VPS13B: variants seen among roughly 807,000 people sequenced by gnomAD.
VPS13B encodes the protein vacuolar protein sorting 13 homolog B.
Under a neutral mutation model 426.4 loss-of-function variants are expected in VPS13B, and 285 were observed. The ratio of observed to expected loss-of-function variants is 0.67; its 90% CI spans 0.61 to 0.74. The LOEUF (loss-of-function observed/expected upper bound fraction) is 0.74. VPS13B is among the 30% of genes least tolerant of loss of function. The pLI, the probability that VPS13B is intolerant of heterozygous loss-of-function variation, is 0.00. For missense variants in VPS13B, 4,537 were observed against 4,782.6 expected (o/e 0.95, Z 1.51); for synonymous variants, 1,676 against 1,676.4 (o/e 1.00, Z 0.01).
intron 30 of VPS13B, among the ~76,000 whole-genome samples, chr8:99,541,757 G>A (rs1431724647): frequency 6.6e-6 from 1 of 152,114 alleles, no homozygotes; most frequent in Non-Finnish European, 1.5e-5. Context: ...TATTAAGAAT[G>A]CCCTAATGGT....
At chr8:99,264,152 A>T (rs1156911456) in intron 17 of VPS13B, among the ~76,000 whole-genome samples, 1 of 151,780 alleles carries the variant, frequency 6.6e-6, no homozygotes, top group East Asian at 1.9e-4. Flanking sequence ...TCTGACATAA[A>T]CATATCTTCT....
intron 21 of VPS13B, among the ~76,000 whole-genome samples, chr8:99,406,287 A>G (rs897744342): frequency 1.3e-5 from 2 of 149,414 alleles, no homozygotes; most frequent in Non-Finnish European, 3.0e-5. Flanking sequence ...TGAATTGTTC[A>G]TTTTTGTATT....
At chr8:99,661,559 T>C in intron 35 of VPS13B, 68 bp downstream of exon 35, 2 of 1,561,712 alleles carry the variant, frequency 1.3e-6, no homozygotes, top group Non-Finnish European at 1.7e-6. Flanking sequence ...GTATATAGGA[T>C]CTGTTAGTAA....
intron 23 of VPS13B, among the ~76,000 whole-genome samples, chr8:99,444,760 C>G (rs924223723): frequency 3.9e-5 from 6 of 152,054 alleles, no homozygotes; most frequent in African/African-American, 1.4e-4. Context: ...GCCTTGACCG[C>G]CGGAGCTCAA....
chr8:99,111,044 G>T, intron 5 of VPS13B, 54 bp from the exon 6 acceptor site: 1 of 1,395,434 alleles, frequency 7.2e-7, no homozygotes, highest in Admixed American at 2.0e-5. Context: ...AATAATAGTT[G>T]CCTTTCCCCT....
At chr8:99,501,349 T>G (rs1821223700) in intron 25 of VPS13B, among the ~76,000 whole-genome samples, 1 of 152,128 alleles carries the variant, frequency 6.6e-6, no homozygotes, top group South Asian at 2.1e-4. Flanking sequence ...TAGTAAAAAT[T>G]TATTCCCCAA....
intron 21 of VPS13B, among the ~76,000 whole-genome samples, chr8:99,415,237 G>A (rs914579061): frequency 6.6e-5 from 10 of 151,530 alleles, no homozygotes; most frequent in African/African-American, 2.2e-4. Context: ...AAGTTCTCGT[G>A]CTGTGTTTTT....
At chr8:99,463,045 G>A (rs564196721) in intron 23 of VPS13B, among the ~76,000 whole-genome samples, 6 of 152,182 alleles carry the variant, frequency 3.9e-5, no homozygotes, top group Admixed American at 2.0e-4. Flanking sequence ...TGATGTTACC[G>A]ATAGGATCTT....
intron 56 of VPS13B, among the ~76,000 whole-genome samples, chr8:99,857,543 GAAGA>G (rs1237791091): frequency 1.3e-5 from 2 of 152,206 alleles, no homozygotes; most frequent in East Asian, 1.9e-4. Context: ...TGAGCTCACA[GAAGA>G]AAGAGGTGGG....
intron 35 of VPS13B, among the ~76,000 whole-genome samples, chr8:99,676,154 C>G (rs977606027): frequency 6.6e-6 from 1 of 151,984 alleles, no homozygotes; most frequent in Non-Finnish European, 1.5e-5. Context: ...GGCATTGTCC[C>G]TAAGTCCATG....
chr8:99,833,913 G>C (rs1292171175), intron 52 of VPS13B, among the ~76,000 whole-genome samples: 2 of 152,192 alleles, frequency 1.3e-5, no homozygotes, highest in Non-Finnish European at 2.9e-5. Flanking sequence ...GGCTGGGAAA[G>C]GAACTTTGCT....
chr8:99,103,704 T>C (rs1360231077), intron 5 of VPS13B, among the ~76,000 whole-genome samples: 1 of 152,056 alleles, frequency 6.6e-6, no homozygotes, highest in Non-Finnish European at 1.5e-5. Flanking sequence ...TTTCACCATG[T>C]TAGCCAGGAT....
rs1563489649 is a variant in VPS13B, at chr8:99,818,892, C to G, written c.8621+4C>G. The G allele has an allele frequency of 2.1e-6, 3 of 1,426,308 alleles. No individual in the cohort carries two copies. Among genetic ancestry groups the G allele is most frequent in the East Asian group, 3.5e-5 (1 of 28,834 alleles). 88.4% of individuals were successfully genotyped at this position (1,426,308 alleles called of 1,614,324 possible). A position where few individuals can be genotyped will look rare whatever the true frequency, so the allele number is the denominator to read the frequency against. On this transcript the variant is annotated splice_donor_region_variant and intron_variant, in intron 47 of 61. Transcript: ENST00000357162. ...ATCACCTGACATTCCAAGCAAGGTACTAGAAAAATCCTTCCATACATTTTA... is the reference window on the plus strand; with the variant it reads ...ATCACCTGACATTCCAAGCAAGGTAGTAGAAAAATCCTTCCATACATTTTA...
intron 22 of VPS13B, among the ~76,000 whole-genome samples, chr8:99,432,674 T>C (rs1321152306): frequency 1.3e-5 from 2 of 152,204 alleles, no homozygotes; most frequent in South Asian, 2.1e-4. Context: ...TCAATATTCT[T>C]GTTTACCTGA....
rs373503203 is a variant in VPS13B at position 99,829,951 on chromosome 8, GC to G, written c.9331-2416del. Among the ~76,000 whole-genome samples, 655 of 152,326 alleles carry G rather than the reference GC, an allele frequency of 4.3e-3. 7 individuals are homozygous for G. Among genetic ancestry groups the G allele is most frequent in the African/African-American group, 0.015 (631 of 41,570 alleles). ...AGACTCCAGAACAGCAAAGATTGCTGCCTGCTCCTTCCTCTGGAAGCTTTAT... is the reference window on the plus strand; with the variant it reads ...AGACTCCAGAACAGCAAAGATTGCTGCTGCTCCTTCCTCTGGAAGCTTTAT... On this transcript the variant is annotated intron_variant, in intron 51 of 61. Transcript: ENST00000357162.
chr8:99,533,572 A>G (rs1266667260), intron 30 of VPS13B, among the ~76,000 whole-genome samples: 1 of 152,216 alleles, frequency 6.6e-6, no homozygotes, highest in Admixed American at 6.5e-5. Context: ...TTTTACATAT[A>G]TACTTTAACA....
At chr8:99,846,023 G>A (rs938908030) in intron 54 of VPS13B, among the ~76,000 whole-genome samples, 3 of 152,200 alleles carry the variant, frequency 2.0e-5, no homozygotes, top group African/African-American at 4.8e-5. Flanking sequence ...CAGGGGTGGC[G>A]GGGAGTATAA....
At chr8:99,582,916 A>C (rs2133822148) in intron 33 of VPS13B, among the ~76,000 whole-genome samples, 1 of 152,248 alleles carries the variant, frequency 6.6e-6, no homozygotes, top group East Asian at 1.9e-4. Context: ...TGGCCTCCCA[A>C]AGTTCTGGGA....
At chr8:99,824,305 C>T (rs927369878) in intron 51 of VPS13B, among the ~76,000 whole-genome samples, 4 of 152,152 alleles carry the variant, frequency 2.6e-5, no homozygotes, top group African/African-American at 9.7e-5. Flanking sequence ...AGGACTGGCT[C>T]CTGGGTCACA....
Sources: gnomAD v4.1 joint callset for allele counts (sites outside exome capture counted in the v4.1 genomes callset) on GRCh38, gnomAD v4.1.1 for gene constraint, MANE v1.5 for transcripts, NCBI Gene and HGNC (gene_info 2026-07-23, HGNC 2026-07-21) for gene names.